SACM1L: variants seen among roughly 807,000 people sequenced by gnomAD.
SACM1L encodes the protein phosphatidylinositol-3-phosphatase SAC1.
In SACM1L, 32 loss-of-function variants were observed where a neutral mutation model predicts 89.5. The observed-to-expected ratio is 0.36, with a 90% CI of 0.27 to 0.48. The LOEUF is 0.48. Among genes scored for constraint, SACM1L ranks in the 20% least tolerant of loss-of-function variants. SACM1L has a pLI of 0.99. For missense variants in SACM1L, 543 were observed against 708.5 expected, an observed-to-expected ratio of 0.77 and a Z score of 2.65; for synonymous variants, 213 against 232.8, an observed-to-expected ratio of 0.92 and a Z score of 0.77.
At chr3:45,692,406 C>T (rs1202487927) in intron 1 of SACM1L, among the ~76,000 whole-genome samples, 3 of 152,074 alleles carry the variant, frequency 2.0e-5, no homozygotes. Context: ...TCACTGCAGC[C>T]TCAGCCTCCC....
intron 7 of SACM1L, among the ~76,000 whole-genome samples, chr3:45,715,191 G>C (rs2742389): frequency 0.48 from 73,044 of 152,052 alleles, 18,172 homozygotes; most frequent in Middle Eastern, 0.57. Flanking sequence ...CCTATTAAGT[G>C]ATGCATGACT....
intron 1 of SACM1L, among the ~76,000 whole-genome samples, chr3:45,698,636 C>T (rs1575384641): frequency 3.3e-5 from 5 of 152,310 alleles, no homozygotes; most frequent in East Asian, 1.9e-4. Flanking sequence ...CTGCAACCTC[C>T]GCCTCCCAGG....
chr3:45,691,483 T>C (rs116014318), intron 1 of SACM1L, among the ~76,000 whole-genome samples: 364 of 152,348 alleles, frequency 2.4e-3, no homozygotes, highest in African/African-American at 8.4e-3. Flanking sequence ...ATAGTAGCCA[T>C]TTTTTAAAAT....
Position 45,735,297 on chromosome 3 carries a change from A to G in SACM1L, c.1163A>G (p.Asn388Ser). ...VANQEGVFRS[N>S]CMDCLDRTNV... ...AACCAGGAAGGCGTGTTCCGAAGCAATTGCATGGATTGTCTAGATAGAACC... is the reference window on the plus strand; with the variant it reads ...AACCAGGAAGGCGTGTTCCGAAGCAGTTGCATGGATTGTCTAGATAGAACC... Residue 388 changes from asparagine to serine, a missense_variant, in exon 14 of 20, where the codon AAT becomes AGT. By Grantham distance (46) the Asn-to-Ser change is conservative. Around this residue, in one of 2 missense-constraint regions of SACM1L, gnomAD observed 370 missense variants for 527.6 expected, o/e 0.70. Coordinates refer to ENST00000389061, the MANE Select transcript of SACM1L (RefSeq NM_014016.5). 6.2e-7 allele frequency: 1 copy of G among 1,613,200 alleles called. No individual in the cohort carries two copies. Among genetic ancestry groups the G allele is most frequent in the Non-Finnish European group, 8.5e-7 (1 of 1,179,866 alleles).
In SACM1L at chr3:45,731,222, T is replaced by G. The variant is rs576807813; in HGVS notation, c.922-79T>G. ...TGGGAGAATGATGAGAGCTTAGAGC[T>G]TCCTAGTTTGTCCTTTTTCTGATAC... On this transcript the variant is annotated intron_variant, in intron 11 of 19. Transcript: ENST00000389061. 58 of 873,878 alleles carry G rather than the reference T, an allele frequency of 6.6e-5. No homozygotes were observed. In the South Asian group the frequency reaches 9.7e-4, roughly 15 times the overall value. The allele number at this position is 873,878 out of a possible 1,614,324, so 54.1% of individuals were successfully genotyped here. A position where few individuals can be genotyped will look rare whatever the true frequency, so the allele number is the denominator to read the frequency against.
intron 1 of SACM1L, among the ~76,000 whole-genome samples, chr3:45,700,362 G>A (rs1011113459): frequency 2.6e-5 from 4 of 152,194 alleles, no homozygotes; most frequent in African/African-American, 9.7e-5. Flanking sequence ...GAAAATGGTT[G>A]TAATAAAGCC....
At chr3:45,737,442 C>A (rs900239778) in intron 14 of SACM1L, 141 bp from the exon 15 acceptor site, 1 of 825,700 alleles carries the variant, frequency 1.2e-6, no homozygotes, top group Non-Finnish European at 2.0e-6. Context: ...TGAGCTGGGG[C>A]CCCCTATAGA....
chr3:45,716,216 G>C (rs558930448), intron 7 of SACM1L, among the ~76,000 whole-genome samples: 1 of 152,288 alleles, frequency 6.6e-6, no homozygotes, highest in East Asian at 1.9e-4. Flanking sequence ...GCGCATGTCT[G>C]TAATCTCAGT....
chr3:45,707,664 T>G (rs1698429599), intron 4 of SACM1L, among the ~76,000 whole-genome samples: 1 of 152,170 alleles, frequency 6.6e-6, no homozygotes, highest in South Asian at 2.1e-4. Flanking sequence ...ATGGAGTGGC[T>G]GTGACGAAAG....
At chr3:45,710,472 C>T (rs1325679401) in intron 5 of SACM1L, among the ~76,000 whole-genome samples, 3 of 146,996 alleles carry the variant, frequency 2.0e-5, no homozygotes, top group South Asian at 4.3e-4. Context: ...GGATTACAGG[C>T]GTGAGCCACT....
intron 4 of SACM1L, among the ~76,000 whole-genome samples, chr3:45,707,925 G>A (rs1045146312): frequency 3.3e-5 from 5 of 151,382 alleles, no homozygotes; most frequent in East Asian, 1.9e-4. Context: ...TTTTATTCTC[G>A]GTGTTTCTAA....
intron 11 of SACM1L, among the ~76,000 whole-genome samples, chr3:45,728,873 T>C (rs924383275): frequency 6.6e-6 from 1 of 151,994 alleles, no homozygotes; most frequent in Non-Finnish European, 1.5e-5. Context: ...GGGGTCTCAC[T>C]ATATTGCCCA....
At position 45,744,396 on chromosome 3, in the gene SACM1L, G is replaced by A. The variant is rs996916448; in HGVS notation, c.*727G>A. 7 of 152,602 alleles carry A rather than the reference G, an allele frequency of 4.6e-5. No homozygotes were observed. Among genetic ancestry groups the A allele is most frequent in the Non-Finnish European group, 7.3e-5 (5 of 68,034 alleles). 9.5% of individuals were successfully genotyped at this position (152,602 alleles called of 1,614,324 possible). On this transcript the variant is annotated 3_prime_UTR_variant, in exon 20 of 20. Coordinates refer to ENST00000389061, the MANE Select transcript of SACM1L (RefSeq NM_014016.5). ...AAAGAATGTAAAGTCTATCTCTTACGCTAGAGGTCCAAAGCTGCCTCTGTT... is the reference window on the plus strand; with the variant it reads ...AAAGAATGTAAAGTCTATCTCTTACACTAGAGGTCCAAAGCTGCCTCTGTT...
In SACM1L at chr3:45,723,463, T is replaced by G. The variant is rs771506216; in HGVS notation, c.853-12T>G. 4 of 1,350,362 alleles carry G rather than the reference T, an allele frequency of 3.0e-6. No individual in the cohort carries two copies. Among genetic ancestry groups the G allele is most frequent in the Non-Finnish European group, 3.9e-6 (4 of 1,020,536 alleles). 83.6% of individuals were successfully genotyped at this position (1,350,362 alleles called of 1,614,324 possible). A position where few individuals can be genotyped will look rare whatever the true frequency, so the allele number is the denominator to read the frequency against. ...TGTACTCCAGTAAAATATGTAACTT[T>G]TTCCTCTCTAGATGGACGGTTTCCA... On this transcript the variant is annotated splice_polypyrimidine_tract_variant and intron_variant, in intron 10 of 19. Transcript: ENST00000389061.
At chr3:45,720,193 T>C (rs1698756322) in intron 8 of SACM1L, among the ~76,000 whole-genome samples, 1 of 152,164 alleles carries the variant, frequency 6.6e-6, no homozygotes, top group African/African-American at 2.4e-5. Flanking sequence ...CAGAAAGTTG[T>C]AGAAATTATT....
intron 1 of SACM1L, among the ~76,000 whole-genome samples, chr3:45,694,727 T>TA (rs1161022011): frequency 6.6e-6 from 1 of 152,202 alleles, no homozygotes. Flanking sequence ...TGGTAGTTTT[T>TA]ATGCACTCTG....
chr3:45,701,141 C>T (rs915114943), intron 1 of SACM1L, among the ~76,000 whole-genome samples: 3 of 152,010 alleles, frequency 2.0e-5, no homozygotes, highest in African/African-American at 7.3e-5. Context: ...GTTTTAAAAA[C>T]ATTTCTTTAA....
At chr3:45,712,173 C>G (rs2673035) in intron 5 of SACM1L, among the ~76,000 whole-genome samples, 64,408 of 139,992 alleles carry the variant, frequency 0.46, 15,246 homozygotes, top group Middle Eastern at 0.57. Context: ...TTAGAGTCGG[C>G]GGTGCTGGTG....
chr3:45,725,293 TTAA>T (rs1194854866), intron 11 of SACM1L, among the ~76,000 whole-genome samples: 4 of 107,810 alleles, frequency 3.7e-5, no homozygotes, highest in African/African-American at 1.1e-4. Flanking sequence ...TACTGTCGTC[TTAA>T]TAATATTGTT....
Sources: allele counts gnomAD v4.1 joint callset (sites outside exome capture counted in the v4.1 genomes callset), GRCh38; gene constraint gnomAD v4.1.1; regional missense constraint gnomAD v4.1.1; transcripts MANE v1.5; gene names NCBI Gene and HGNC (gene_info 2026-07-23, HGNC 2026-07-21).